The following KHDRBS2 variants were observed in gnomAD, a reference collection of about 807,000 sequenced individuals.
The protein encoded by KHDRBS2 is KH domain-containing, RNA-binding, signal transduction-associated protein 2.
A neutral mutation model predicts 44.3 loss-of-function variants in KHDRBS2; 26 were observed. That is an observed-to-expected ratio of 0.59 (90% CI 0.43 to 0.81). KHDRBS2 has a LOEUF of 0.81. KHDRBS2 is among the 40% of genes least tolerant of loss of function. The pLI is 0.00. For missense variants in KHDRBS2, 476 were observed against 433.1 expected, an observed-to-expected ratio of 1.10 and a Z score of -0.88; for synonymous variants, 194 against 151.1, an observed-to-expected ratio of 1.28 and a Z score of -2.08.
chr6:61,675,817 A>G (rs1305332995), downstream of KHDRBS2, among the ~76,000 whole-genome samples: 2 of 151,734 alleles, frequency 1.3e-5, no homozygotes, highest in Non-Finnish European at 2.9e-5. Flanking sequence ...ATTTAATTTG[A>G]TTTTTCAGTG....
At chr6:61,898,235 A>T (rs1399703950) in intron 5 of KHDRBS2, among the ~76,000 whole-genome samples, 1 of 151,996 alleles carries the variant, frequency 6.6e-6, no homozygotes, top group East Asian at 1.9e-4. Flanking sequence ...AAGTTCTCTT[A>T]TTAATAAGAT....
the KHDRBS2 span, among the ~76,000 whole-genome samples, chr6:61,575,365 G>A: frequency 6.6e-6 from 1 of 152,132 alleles, no homozygotes; most frequent in African/African-American, 2.4e-5. Flanking sequence ...ATGAAAAAAT[G>A]CTAAACATCT....
At chr6:62,204,584 A>C (rs1284429046) in intron 1 of KHDRBS2, among the ~76,000 whole-genome samples, 1 of 152,172 alleles carries the variant, frequency 6.6e-6, no homozygotes, top group African/African-American at 2.4e-5. Flanking sequence ...ATTTTGGAGC[A>C]TTTCAGATTT....
intron 1 of KHDRBS2, among the ~76,000 whole-genome samples, chr6:62,224,579 C>G (rs1831451242): frequency 6.6e-6 from 1 of 152,164 alleles, no homozygotes; most frequent in Admixed American, 6.5e-5. Flanking sequence ...CTGGCACCAT[C>G]CTACGGATTT....
the KHDRBS2 span, among the ~76,000 whole-genome samples, chr6:61,670,313 T>A: frequency 4.6e-5 from 7 of 151,412 alleles, 1 homozygote. Context: ...CAATTTGTGC[T>A]TCATTAAAGG....
At chr6:61,897,258 A>G (rs891108633) in intron 5 of KHDRBS2, among the ~76,000 whole-genome samples, 2 of 152,150 alleles carry the variant, frequency 1.3e-5, no homozygotes, top group African/African-American at 4.8e-5. Flanking sequence ...CAGTGATTCC[A>G]AAATACAGGC....
the KHDRBS2 span, among the ~76,000 whole-genome samples, chr6:61,601,212 G>A: frequency 2.0e-5 from 3 of 151,818 alleles, no homozygotes; most frequent in Non-Finnish European, 4.4e-5. Context: ...TTCCTGGGGG[G>A]CAAGCATCCC....
intron 3 of KHDRBS2, among the ~76,000 whole-genome samples, chr6:62,012,856 G>T (rs779236618): frequency 1.7e-4 from 26 of 152,240 alleles, no homozygotes; most frequent in Middle Eastern, 3.4e-3. Flanking sequence ...TTTCCTGTTT[G>T]CTTGCTTATC....
At chr6:61,721,097 G>A (rs9362352) in intron 7 of KHDRBS2, among the ~76,000 whole-genome samples, 53,950 of 151,014 alleles carry the variant, frequency 0.36, 10,310 homozygotes, top group East Asian at 0.48. Context: ...GTGGATATGC[G>A]GCATTATTTC....
At chr6:62,263,859 A>G (rs1035773714) in intron 1 of KHDRBS2, among the ~76,000 whole-genome samples, 1 of 151,758 alleles carries the variant, frequency 6.6e-6, no homozygotes, top group African/African-American at 2.4e-5. Flanking sequence ...AATGAATAGC[A>G]TATTTTGTGC....
intron 2 of KHDRBS2, among the ~76,000 whole-genome samples, chr6:62,124,223 AT>A (rs909368817): frequency 2.0e-5 from 3 of 152,196 alleles, no homozygotes; most frequent in African/African-American, 7.2e-5. Flanking sequence ...CATACAGTAA[AT>A]GTGTACTTAG....
At chr6:62,098,426 G>GT (rs1420053234) in intron 2 of KHDRBS2, among the ~76,000 whole-genome samples, 1 of 151,924 alleles carries the variant, frequency 6.6e-6, no homozygotes, top group African/African-American at 2.4e-5. Flanking sequence ...TTGACAGTTT[G>GT]TTTTGTTTTG....
At chr6:61,639,146 C>T in the KHDRBS2 span, among the ~76,000 whole-genome samples, 5 of 152,056 alleles carry the variant, frequency 3.3e-5, no homozygotes, top group Non-Finnish European at 7.4e-5. Flanking sequence ...ATTTTGCTTA[C>T]TAATTAAATA....
chr6:62,060,295 G>A (rs950059861), intron 2 of KHDRBS2, among the ~76,000 whole-genome samples: 16 of 151,794 alleles, frequency 1.1e-4, no homozygotes, highest in African/African-American at 3.9e-4. Flanking sequence ...TGGGCTGGGG[G>A]TGAGTGGGAA....
chr6:61,928,014 A>C (rs1053621526), intron 4 of KHDRBS2, among the ~76,000 whole-genome samples: 3 of 152,110 alleles, frequency 2.0e-5, no homozygotes, highest in African/African-American at 7.2e-5. Context: ...TCTTTGAAAG[A>C]TATGAAGTAT....
chr6:61,902,506 A>AACAC (rs34224070), intron 4 of KHDRBS2, among the ~76,000 whole-genome samples: 235 of 149,692 alleles, frequency 1.6e-3, no homozygotes, highest in Middle Eastern at 0.01. Context: ...TTTACTAATC[A>AACAC]ACACACACAC....
chr6:62,085,805 T>C (rs1333774477), intron 2 of KHDRBS2, among the ~76,000 whole-genome samples: 1 of 152,138 alleles, frequency 6.6e-6, no homozygotes, highest in African/African-American at 2.4e-5. Context: ...TTGTTACATG[T>C]TGAAAATTCA....
chr6:61,662,121 A>C, the KHDRBS2 span, among the ~76,000 whole-genome samples: 21 of 152,092 alleles, frequency 1.4e-4, no homozygotes, highest in African/African-American at 4.8e-4. Context: ...GATCTTTGAC[A>C]AACCTGAGAA....
At chr6:62,200,888 T>C (rs1002985403) in intron 1 of KHDRBS2, among the ~76,000 whole-genome samples, 2 of 150,060 alleles carry the variant, frequency 1.3e-5, no homozygotes, top group African/African-American at 5.0e-5. Context: ...ATATACACCA[T>C]GGAATACTAT....
Sources: gnomAD v4.1 joint callset for allele counts (sites outside exome capture counted in the v4.1 genomes callset) on GRCh38, gnomAD v4.1.1 for gene constraint, MANE v1.5 for transcripts, NCBI Gene and HGNC (gene_info 2026-07-23, HGNC 2026-07-21) for gene names.